Variants in SYT16 observed in about 807,000 individuals in gnomAD.
SYT16 encodes synaptotagmin 16.
SYT16 carries 42 observed loss-of-function variants against 61.4 expected under a neutral mutation model. The observed-to-expected ratio is 0.68, with a 90% CI of 0.53 to 0.89. SYT16 has a LOEUF of 0.89. Among genes scored for constraint, SYT16 ranks in the 40% least tolerant of loss-of-function variants. The pLI, the probability that SYT16 is intolerant of heterozygous loss-of-function variation, is 0.00. For synonymous variants in SYT16, 314 were observed against 302.3 expected (o/e 1.04, Z -0.40); for missense variants, 804 against 807.3 (o/e 1.00, Z 0.05).
At chr14:62,062,946 A>AT (rs1284040637) in intron 3 of SYT16, among the ~76,000 whole-genome samples, 2 of 152,040 alleles carry the variant, frequency 1.3e-5, no homozygotes, top group Non-Finnish European at 2.9e-5. Flanking sequence ...ATCATTTATA[A>AT]TTTTTTTCTC....
At chr14:62,035,444 A>C (rs1246612559) in intron 3 of SYT16, among the ~76,000 whole-genome samples, 9 of 152,232 alleles carry the variant, frequency 5.9e-5, no homozygotes, top group African/African-American at 2.2e-4. Context: ...GAAAAAGAAC[A>C]TGAAGATAAA....
At chr14:61,833,434 A>G (rs1360763767) in intron 1 of SYT16, among the ~76,000 whole-genome samples, 1 of 151,840 alleles carries the variant, frequency 6.6e-6, no homozygotes, top group Non-Finnish European at 1.5e-5. Flanking sequence ...CTGGGATTAC[A>G]GGCATGGGCC....
chr14:62,005,285 C>G (rs1360807199), intron 3 of SYT16, among the ~76,000 whole-genome samples: 1 of 152,084 alleles, frequency 6.6e-6, no homozygotes, highest in Admixed American at 6.6e-5. Flanking sequence ...AAAGAGCAAG[C>G]CTTTATTGAG....
Position 62,085,506 on chromosome 14 carries a change from G to A in SYT16, c.1624+1121G>A, listed in dbSNP as rs370431453. ...AGTATATTTGTGGCAGGCTGAAAGA[G>A]TCAGTGGGCTCAGGCCTCAGGTATC... On this transcript the variant is annotated intron_variant, in intron 7 of 7. Coordinates refer to ENST00000683842, the MANE Select transcript of SYT16 (RefSeq NM_001367656.1). 4.6e-5 allele frequency among the ~76,000 whole-genome samples: 7 copies of A among 152,306 alleles called. 1 individual carries two copies. The highest frequency in any genetic ancestry group is 1.5e-5 in the Non-Finnish European group (1 of 68,030).
At chr14:61,899,886 A>C (rs558879489) in intron 1 of SYT16, among the ~76,000 whole-genome samples, 175 of 152,256 alleles carry the variant, frequency 1.1e-3, no homozygotes, top group Non-Finnish European at 2.1e-3. Flanking sequence ...AGAAGGGGGC[A>C]CTCACTTCCC....
chr14:61,944,447 C>A (rs531349071), intron 1 of SYT16, among the ~76,000 whole-genome samples: 64 of 152,252 alleles, frequency 4.2e-4, no homozygotes, highest in African/African-American at 1.5e-3. Context: ...GCAAAAAGAA[C>A]AAAGCTGGAG....
At chr14:61,955,121 G>A (rs1406562619) in intron 1 of SYT16, among the ~76,000 whole-genome samples, 3 of 151,974 alleles carry the variant, frequency 2.0e-5, no homozygotes, top group African/African-American at 7.2e-5. Flanking sequence ...ATTTATTGAG[G>A]TGTGATTAAC....
chr14:62,055,969 C>T (rs752303779), intron 3 of SYT16, among the ~76,000 whole-genome samples: 7 of 151,614 alleles, frequency 4.6e-5, no homozygotes, highest in Admixed American at 6.6e-5. Flanking sequence ...TGGAGTCCGA[C>T]GTTCAAGGGA....
chr14:61,851,281 G>A (rs1433352347), intron 1 of SYT16, among the ~76,000 whole-genome samples: 1 of 152,120 alleles, frequency 6.6e-6, no homozygotes, highest in Non-Finnish European at 1.5e-5. Flanking sequence ...TGGTGTATAT[G>A]TACCACATTT....
intron 2 of SYT16, among the ~76,000 whole-genome samples, chr14:61,980,207 C>T (rs1382786710): frequency 6.6e-6 from 1 of 152,172 alleles, no homozygotes; most frequent in Non-Finnish European, 1.5e-5. Context: ...ATTTTCTCTT[C>T]TGATTTTAAT....
rs575602107 is a variant in SYT16, at chr14:62,050,734, C to T, written c.524-18869C>T. Among the ~76,000 whole-genome samples the T allele has an allele frequency of 3.3e-5, 5 of 152,272 alleles. No homozygotes were observed. In the East Asian group the frequency reaches 9.6e-4, roughly 29 times the overall value. ...AGGTCTGTTGGAGTTTGCTGGAGGTCCACGCCAGACCCTGTTTGCCTGGGT... is the reference window on the plus strand; with the variant it reads ...AGGTCTGTTGGAGTTTGCTGGAGGTTCACGCCAGACCCTGTTTGCCTGGGT... On this transcript the variant is annotated intron_variant, in intron 3 of 7. Coordinates refer to ENST00000683842, the MANE Select transcript of SYT16 (RefSeq NM_001367656.1).
intron 3 of SYT16, among the ~76,000 whole-genome samples, chr14:62,049,894 T>C (rs1382098869): frequency 1.3e-5 from 2 of 152,222 alleles, no homozygotes; most frequent in Non-Finnish European, 1.5e-5. Context: ...TCTCTCTGGC[T>C]GCCCTTAACA....
intron 1 of SYT16, among the ~76,000 whole-genome samples, chr14:61,953,021 T>C (rs1272502365): frequency 6.6e-6 from 1 of 152,206 alleles, no homozygotes; most frequent in Non-Finnish European, 1.5e-5. Flanking sequence ...GGCAAAATAA[T>C]ATGCTGTGAA....
At chr14:61,961,565 G>A (rs1000584529) in intron 1 of SYT16, among the ~76,000 whole-genome samples, 2 of 152,084 alleles carry the variant, frequency 1.3e-5, no homozygotes, top group African/African-American at 2.4e-5. Context: ...ACCACAAAGT[G>A]ACATCATCGT....
At chr14:62,003,905 A>G (rs1039565472) in intron 3 of SYT16, among the ~76,000 whole-genome samples, 2 of 152,314 alleles carry the variant, frequency 1.3e-5, no homozygotes, top group Admixed American at 1.3e-4. Context: ...TCAGAATTTA[A>G]TAAGTGAATG....
intron 3 of SYT16, among the ~76,000 whole-genome samples, chr14:62,056,486 TGC>T (rs1208647676): frequency 1.3e-5 from 2 of 152,170 alleles, no homozygotes; most frequent in Non-Finnish European, 2.9e-5. Context: ...TAAAGTCTGG[TGC>T]TATAAAACTC....
At chr14:61,823,574 C>CAA (rs55935256) in intron 1 of SYT16, among the ~76,000 whole-genome samples, 101 of 71,002 alleles carry the variant, frequency 1.4e-3, no homozygotes, top group Non-Finnish European at 1.7e-3. Flanking sequence ...ACTAAAAATA[C>CAA]AAAAAAAAAA....
intron 1 of SYT16, among the ~76,000 whole-genome samples, chr14:61,923,131 C>G (rs2049403824): frequency 6.6e-6 from 1 of 151,524 alleles, no homozygotes; most frequent in African/African-American, 2.4e-5. Flanking sequence ...GAGAATGGCT[C>G]TTATAAATAT....
chr14:61,888,791 A>AT (rs2048015402), intron 1 of SYT16, among the ~76,000 whole-genome samples: 2 of 151,542 alleles, frequency 1.3e-5, no homozygotes, highest in African/African-American at 4.8e-5. Context: ...AAAAAAAGCA[A>AT]TATCTGTGAA....
Sources: allele counts gnomAD v4.1 joint callset (sites outside exome capture counted in the v4.1 genomes callset), GRCh38; gene constraint gnomAD v4.1.1; transcripts MANE v1.5; gene names NCBI Gene and HGNC (gene_info 2026-07-23, HGNC 2026-07-21).